MEGF11: variants seen among roughly 807,000 people sequenced by gnomAD.
MEGF11 encodes the protein multiple epidermal growth factor-like domains protein 11.
A neutral mutation model predicts 146.6 loss-of-function variants in MEGF11; 126 were observed. The observed-to-expected ratio is 0.86, with a 90% CI of 0.74 to 1.00. The LOEUF is 1.00. Among genes scored for constraint, MEGF11 ranks in the 50% least tolerant of loss-of-function variants. The pLI is 0.00. For missense variants in MEGF11, 1,509 were observed against 1,521.2 expected, an observed-to-expected ratio of 0.99 and a Z score of 0.13; for synonymous variants, 532 against 583.4, an observed-to-expected ratio of 0.91 and a Z score of 1.27.
chr15:66,100,543 A>T (rs1385150385), intron 4 of MEGF11, among the ~76,000 whole-genome samples: 1 of 152,118 alleles, frequency 6.6e-6, no homozygotes, highest in Non-Finnish European at 1.5e-5. Context: ...AACCTCCCTC[A>T]GTTTTTTTCA....
At chr15:65,940,513 G>T (rs1017525756) in intron 10 of MEGF11, among the ~76,000 whole-genome samples, 1 of 152,240 alleles carries the variant, frequency 6.6e-6, no homozygotes, top group African/African-American at 2.4e-5. Flanking sequence ...AGAATAGCTT[G>T]TCCAAATGCC....
intron 13 of MEGF11, among the ~76,000 whole-genome samples, chr15:65,923,842 G>A (rs1394023264): frequency 6.6e-6 from 1 of 152,140 alleles, no homozygotes; most frequent in Non-Finnish European, 1.5e-5. Flanking sequence ...GGTGAAGAAG[G>A]AATTTTAAAA....
chr15:66,051,220 C>T (rs957166671), intron 5 of MEGF11, among the ~76,000 whole-genome samples: 22 of 152,154 alleles, frequency 1.4e-4, no homozygotes, highest in African/African-American at 4.6e-4. Flanking sequence ...AAACTGAGGC[C>T]TCAGCTGGGG....
chr15:66,223,318 G>A (rs532549783), intron 1 of MEGF11, among the ~76,000 whole-genome samples: 1 of 152,020 alleles, frequency 6.6e-6, no homozygotes, highest in Non-Finnish European at 1.5e-5. Flanking sequence ...GTAGATAAGT[G>A]CTTGCCAGGG....
At chr15:65,999,338 T>G (rs2141824223) in intron 5 of MEGF11, among the ~76,000 whole-genome samples, 1 of 152,200 alleles carries the variant, frequency 6.6e-6, no homozygotes, top group African/African-American at 2.4e-5. Flanking sequence ...CCGGTATCAC[T>G]TCCTTAAAGA....
chr15:66,198,738 G>T (rs773332090), intron 1 of MEGF11, among the ~76,000 whole-genome samples: 1 of 152,048 alleles, frequency 6.6e-6, no homozygotes, highest in South Asian at 2.1e-4. Flanking sequence ...CACTCACCTC[G>T]CCTCCGAAAG....
At chr15:65,933,674 C>CA (rs1286209942) in intron 10 of MEGF11, among the ~76,000 whole-genome samples, 2 of 152,196 alleles carry the variant, frequency 1.3e-5, no homozygotes, top group African/African-American at 4.8e-5. Context: ...TCCAGGACCC[C>CA]TGGTGTGTTA....
chr15:65,978,082 GAGTTCCTAGCAGCTCCTCTCTCC>G (rs2081510217), intron 7 of MEGF11, among the ~76,000 whole-genome samples: 1 of 152,280 alleles, frequency 6.6e-6, no homozygotes, highest in Non-Finnish European at 1.5e-5. Flanking sequence ...TGGAGGGCCA[GAGTTCCTAGCAGCTCCTCTCTCC>G]AGTTCCACAC....
At chr15:65,992,801 T>G (rs1440143561) in intron 5 of MEGF11, among the ~76,000 whole-genome samples, 2 of 152,080 alleles carry the variant, frequency 1.3e-5, no homozygotes, top group African/African-American at 4.8e-5. Flanking sequence ...CTGCTCAGGA[T>G]AGCTATAGTT....
At chr15:66,237,687 G>A (rs1375731448) in intron 1 of MEGF11, among the ~76,000 whole-genome samples, 2 of 152,188 alleles carry the variant, frequency 1.3e-5, no homozygotes, top group East Asian at 1.9e-4. Flanking sequence ...ACTGGCACGT[G>A]GCTATCTCCC....
intron 10 of MEGF11, among the ~76,000 whole-genome samples, chr15:65,936,590 C>A (rs1437742076): frequency 6.6e-6 from 1 of 152,116 alleles, no homozygotes; most frequent in Non-Finnish European, 1.5e-5. Flanking sequence ...AGACTGGGAC[C>A]CAGTCTCTGG....
chr15:66,033,772 GGATTT>G (rs78392362), intron 5 of MEGF11, among the ~76,000 whole-genome samples: 32,997 of 151,928 alleles, frequency 0.22, 3,977 homozygotes, highest in East Asian at 0.49. Context: ...TGTTGGTTTT[GGATTT>G]ATTTATTTTT....
chr15:66,002,084 A>T (rs139395377), intron 5 of MEGF11, among the ~76,000 whole-genome samples: 2 of 152,010 alleles, frequency 1.3e-5, no homozygotes, highest in Admixed American at 6.5e-5. Flanking sequence ...TTGGGTGAGC[A>T]CAGATCTTTT....
intron 5 of MEGF11, among the ~76,000 whole-genome samples, chr15:66,059,150 C>T (rs1020914150): frequency 2.2e-4 from 34 of 152,224 alleles, no homozygotes; most frequent in African/African-American, 7.7e-4. Flanking sequence ...TTGCTCTAAC[C>T]TTAACTCACA....
chr15:66,060,122 AG>A (rs2140404829), intron 5 of MEGF11, among the ~76,000 whole-genome samples: 2 of 151,572 alleles, frequency 1.3e-5, no homozygotes, highest in South Asian at 4.2e-4. Flanking sequence ...ATGAGTGACT[AG>A]GAGATGGGGC....
chr15:65,917,551 A>G (rs2079041085), intron 16 of MEGF11, among the ~76,000 whole-genome samples: 1 of 152,130 alleles, frequency 6.6e-6, no homozygotes, highest in African/African-American at 2.4e-5. Flanking sequence ...GAACAGCCTC[A>G]AGGACATCAT....
chr15:65,930,732 G>A, intron 11 of MEGF11, 91 bp downstream of exon 11: 1 of 1,446,704 alleles, frequency 6.9e-7, no homozygotes, highest in Non-Finnish European at 9.2e-7. Context: ...CGGGGGTTGG[G>A]GCAGCCCCAC....
intron 19 of MEGF11, among the ~76,000 whole-genome samples, chr15:65,914,467 C>T (rs2078925015): frequency 6.6e-6 from 1 of 152,154 alleles, no homozygotes; most frequent in African/African-American, 2.4e-5. Flanking sequence ...AATAACCCCA[C>T]CCTCCCCAGT....
In MEGF11 at chr15:65,985,359, C is replaced by A. The variant is rs185684598; in HGVS notation, c.395-2871G>T. On this transcript the variant is annotated intron_variant, in intron 5 of 25. Transcript: ENST00000395614. ...GGCCTTGGGGACAAGGTGGCAGCCA[C>A]GAAGCACAGATCAGGGATACCACAG... 1.1e-3 allele frequency among the ~76,000 whole-genome samples: 165 copies of A among 152,240 alleles called. 1 individual carries two copies. Among genetic ancestry groups the A allele is most frequent in the African/African-American group, 3.8e-3 (157 of 41,526 alleles).
Sources: allele counts gnomAD v4.1 joint callset (sites outside exome capture counted in the v4.1 genomes callset), GRCh38; gene constraint gnomAD v4.1.1; transcripts MANE v1.5; gene names NCBI Gene and HGNC (gene_info 2026-07-23, HGNC 2026-07-21).